Variants in EIF5 observed in about 807,000 individuals in gnomAD.
The protein encoded by EIF5 is eukaryotic translation initiation factor 5.
EIF5 carries 10 observed loss-of-function variants against 48.3 expected under a neutral mutation model. That is an observed-to-expected ratio of 0.21 (90% CI 0.13 to 0.35). EIF5 has a LOEUF of 0.35. EIF5 is among the 10% of genes least tolerant of loss of function. The pLI is 1.00. For missense variants in EIF5, 397 were observed against 533.2 expected (o/e 0.74, Z 2.51); for synonymous variants, 237 against 173.1 (o/e 1.37, Z -2.90).
At position 103,334,257 on chromosome 14, in the gene EIF5, A is replaced by C. The variant is rs375796240; in HGVS notation, c.-421A>C. 6.6e-6 allele frequency: 1 copy of C among 152,328 alleles called. No homozygotes were observed. The highest frequency in any genetic ancestry group is 1.5e-5 in the Non-Finnish European group (1 of 68,312). The allele number at this position is 152,328 out of a possible 1,614,324, so 9.4% of individuals were successfully genotyped here. A position where few individuals can be genotyped will look rare whatever the true frequency, so the allele number is the denominator to read the frequency against. ...TGTTCAGTCAGAGCGAGAACATTCC[A>C]GAGGTGAGTCCGGTGAAGGGGCGGC... On this transcript the variant is annotated 5_prime_UTR_variant, in exon 1 of 12. Transcript: ENST00000216554.
Position 103,342,872 on chromosome 14 carries a change from C to G in EIF5, c.*1820C>G, listed in dbSNP as rs1182519504. ...ATTAACTGGAATTCTGTAGGAGATA[C>G]TGGTGACCTAAGCTAAGTTGCACTC... On this transcript the variant is annotated 3_prime_UTR_variant, in exon 12 of 12. Coordinates refer to ENST00000216554, the MANE Select transcript of EIF5 (RefSeq NM_001969.5). 1 of 152,582 alleles carries G rather than the reference C, an allele frequency of 6.6e-6. No homozygotes were observed. The highest frequency in any genetic ancestry group is 1.5e-5 in the Non-Finnish European group (1 of 68,034). 9.5% of individuals were successfully genotyped at this position (152,582 alleles called of 1,614,324 possible).
chr14:103,338,097 G>C (rs940197036), intron 6 of EIF5: 2 of 667,286 alleles, frequency 3.0e-6, no homozygotes, highest in African/African-American at 1.8e-5. Context: ...TTTCTTAGCA[G>C]TTACAATACC....
At chr14:103,336,540 C>T (rs1595362597) in intron 4 of EIF5, 137 bp from the exon 5 acceptor site, 22 of 918,086 alleles carry the variant, frequency 2.4e-5, no homozygotes, top group Middle Eastern at 2.4e-4. Flanking sequence ...GAGACCACGC[C>T]GTTGCACTCC....
intron 4 of EIF5, 100 bp downstream of exon 4, chr14:103,336,217 C>A: frequency 8.4e-7 from 1 of 1,195,926 alleles, no homozygotes; most frequent in Non-Finnish European, 1.2e-6. Flanking sequence ...AGCTAATTAC[C>A]TTACAAGTTA....
rs533261888 is a variant in EIF5 at position 103,335,830 on chromosome 14, A to G, written c.-31A>G. The G allele has an allele frequency of 1.2e-6, 2 of 1,613,024 alleles. No homozygotes were observed. Among genetic ancestry groups the G allele is most frequent in the Non-Finnish European group, 1.7e-6 (2 of 1,179,092 alleles). On this transcript the variant is annotated 5_prime_UTR_variant, in exon 3 of 12. Transcript: ENST00000216554. Reference sequence around the variant, plus strand: ...AAAAGTTGCAATCAAAGATCTCTTCATCTTATTGATAAAGCCACTAATAAG... The same window carrying G: ...AAAAGTTGCAATCAAAGATCTCTTCGTCTTATTGATAAAGCCACTAATAAG...
chr14:103,343,938 A>C lies in EIF5; in HGVS notation c.*2886A>C, dbSNP rs905614890. 1 of 152,228 alleles carries C rather than the reference A, an allele frequency of 6.6e-6. No homozygotes were observed. The highest frequency in any genetic ancestry group is 2.4e-5 in the African/African-American group (1 of 41,450). 9.4% of individuals were successfully genotyped at this position (152,228 alleles called of 1,614,324 possible). A position where few individuals can be genotyped will look rare whatever the true frequency, so the allele number is the denominator to read the frequency against. ...TATTCCGGAGTAACCAGCAAATGCA[A>C]AGTTGACCTTGTTCCTGCATCATCT... On this transcript the variant is annotated 3_prime_UTR_variant, in exon 12 of 12. Transcript: ENST00000216554.
intron 7 of EIF5, 49 bp from the exon 8 acceptor site, chr14:103,338,686 G>A (rs934405166): frequency 2.5e-6 from 4 of 1,585,358 alleles, no homozygotes; most frequent in South Asian, 1.2e-5. Context: ...GAACCTTTTT[G>A]TTGTTGTTTT....
At position 103,343,847 on chromosome 14, in the gene EIF5, G is replaced by T. The variant is rs1251008193; in HGVS notation, c.*2795G>T. The T allele has an allele frequency of 6.6e-6, 1 of 152,176 alleles. No individual in the cohort carries two copies. The highest frequency in any genetic ancestry group is 1.9e-4 in the East Asian group (1 of 5,196). The allele number at this position is 152,176 out of a possible 1,614,324, so 9.4% of individuals were successfully genotyped here. A position where few individuals can be genotyped will look rare whatever the true frequency, so the allele number is the denominator to read the frequency against. ...CCCTTCATGTATTTTAAATTTATTT[G>T]ACAAGTCTGCAGACAATCCTTATCT... On this transcript the variant is annotated 3_prime_UTR_variant, in exon 12 of 12. Transcript: ENST00000216554.
chr14:103,339,104 C>CTG, intron 8 of EIF5, 68 bp from the exon 9 acceptor site: 4 of 1,542,094 alleles, frequency 2.6e-6, no homozygotes, highest in Non-Finnish European at 3.5e-6. Context: ...AGAGCAGGGA[C>CTG]TGGCTGGTGT....
intron 10 of EIF5, 47 bp downstream of exon 10, chr14:103,339,850 GT>G (rs1359037138): frequency 1.1e-5 from 18 of 1,572,222 alleles, no homozygotes; most frequent in South Asian, 2.4e-5. Context: ...GTTTTGGGGG[GT>G]TTTTTTGTTT....
chr14:103,338,021 T>C (rs2089309291), intron 6 of EIF5: 1 of 569,590 alleles, frequency 1.8e-6, no homozygotes, highest in East Asian at 4.0e-5. Flanking sequence ...ACTTTGTTCA[T>C]GAGGGATGAC....
Position 103,339,814 on chromosome 14 carries a change from C to CTT in EIF5, c.1071+11_1071+12insTT. On this transcript the variant is annotated intron_variant, in intron 10 of 11. Transcript: ENST00000216554. ...AGCTGGTCGGAAAAGGTGGGGAATA[C>CTT]ATAGGTGGGCTCTTAAAGTTCACAG... 6.2e-7 allele frequency: 1 copy of CTT among 1,610,824 alleles called. No homozygotes were observed. The highest frequency in any genetic ancestry group is 2.2e-5 in the East Asian group (1 of 44,836).
intron 4 of EIF5, 145 bp from the exon 5 acceptor site, chr14:103,336,532 G>A (rs1477204104): frequency 1.2e-6 from 1 of 852,710 alleles, no homozygotes; most frequent in Non-Finnish European, 1.7e-6. Context: ...AGTGAGCTGA[G>A]ACCACGCCGT....
rs755850191 is a variant in EIF5, at chr14:103,336,735, T to G, written c.213T>G (p.Asn71Lys). ...LGAQTQFDVKNDRYIVNGSHE... is the reference protein window; with the variant it reads ...LGAQTQFDVKKDRYIVNGSHE... The stretch of plus-strand genomic sequence containing the variant: ...CACAGACCCAGTTTGATGTTAAGAA[T>G]GACCGTTACATTGTCAATGGATCTC... Residue 71 changes from asparagine (N) to lysine (K), a missense_variant, in exon 5 of 12, where the codon AAT becomes AAG. Physicochemically the swap from Asn to Lys is moderately conservative, Grantham distance 94. Around this residue, in one of 4 missense-constraint regions of EIF5, gnomAD observed 108 missense variants for 188.3 expected, o/e 0.57. Transcript: ENST00000216554. The G allele has an allele frequency of 6.2e-7, 1 of 1,613,944 alleles. No homozygotes were observed. Among genetic ancestry groups the G allele is most frequent in the Admixed American group, 1.7e-5 (1 of 59,984 alleles).
chr14:103,337,164 G>T lies in EIF5; in HGVS notation c.376G>T (p.Gly126Cys). 6.2e-7 allele frequency: 1 copy of T among 1,613,162 alleles called. No individual in the cohort carries two copies. The highest frequency in any genetic ancestry group is 8.5e-7 in the Non-Finnish European group (1 of 1,179,822). ...QTIGNSCKACGYRGMLDTHHK... is the reference protein window; with the variant it reads ...QTIGNSCKACCYRGMLDTHHK... Reference sequence around the variant, plus strand: ...AATAGGTAATTCTTGTAAAGCCTGTGGCTATCGAGGCATGCTTGACACACA... The same window carrying T: ...AATAGGTAATTCTTGTAAAGCCTGTTGCTATCGAGGCATGCTTGACACACA... Residue 126 changes from glycine (G) to cysteine (C), a missense_variant, in exon 6 of 12, where the codon GGC (glycine) becomes TGC (cysteine). This residue lies in a region of EIF5 where 108 missense variants were observed against 188.3 expected (regional missense o/e 0.57). Coordinates refer to ENST00000216554, the MANE Select transcript of EIF5 (RefSeq NM_001969.5).
intron 6 of EIF5, chr14:103,338,078 A>G: frequency 1.6e-6 from 1 of 614,748 alleles, no homozygotes; most frequent in South Asian, 1.7e-5. Flanking sequence ...TCATCACTTC[A>G]TCTTACTCTT....
intron 4 of EIF5, 29 bp downstream of exon 4, chr14:103,336,146 G>T: frequency 3.7e-6 from 6 of 1,604,134 alleles, no homozygotes; most frequent in Middle Eastern, 1.7e-4. Flanking sequence ...AGTCCACAGG[G>T]CATATTATGG....
intron 6 of EIF5, 115 bp from the exon 7 acceptor site, chr14:103,338,212 T>A: frequency 7.1e-7 from 1 of 1,410,358 alleles, no homozygotes; most frequent in South Asian, 1.4e-5. Context: ...GTGTGCTGTG[T>A]GGTTTTTCTG....
rs1347254004 is a variant in EIF5, at chr14:103,338,724, T to A, written c.586-11T>A. ...AGGCCTTTGATCAAGTAGCTCTGTT[T>A]TCATAAACAGGAAGAAGAGGAGGAT... On this transcript the variant is annotated splice_polypyrimidine_tract_variant and intron_variant, in intron 7 of 11. Transcript: ENST00000216554. 6.2e-7 allele frequency: 1 copy of A among 1,611,336 alleles called. No individual in the cohort carries two copies. Among genetic ancestry groups the A allele is most frequent in the Non-Finnish European group, 8.5e-7 (1 of 1,179,100 alleles).
Sources: allele counts gnomAD v4.1 joint callset, GRCh38; gene constraint gnomAD v4.1.1; regional missense constraint gnomAD v4.1.1; transcripts MANE v1.5; gene names NCBI Gene and HGNC (gene_info 2026-07-23, HGNC 2026-07-21).